CSMD1: variants seen among roughly 807,000 people sequenced by gnomAD.
CSMD1 encodes the protein CUB and sushi domain-containing protein 1.
A neutral mutation model predicts 417.5 loss-of-function variants in CSMD1; 213 were observed. That is an observed-to-expected ratio of 0.51 (90% CI 0.46 to 0.57). CSMD1 has a LOEUF of 0.57. Among genes scored for constraint, CSMD1 ranks in the 20% least tolerant of loss-of-function variants. The pLI, the probability that CSMD1 is intolerant of heterozygous loss-of-function variation, is 0.00. For synonymous variants in CSMD1, 2,862 were observed against 1,736.8 expected (o/e 1.65, Z -16.11); for missense variants, 6,923 against 4,529.7 (o/e 1.53, Z -15.17).
chr8:4,655,674 T>C (rs569095598), intron 1 of CSMD1, among the ~76,000 whole-genome samples: 2 of 152,020 alleles, frequency 1.3e-5, no homozygotes, highest in Non-Finnish European at 2.9e-5. Context: ...AAAGTCAATA[T>C]AATGGAAAAG....
chr8:4,901,675 ATCCAACTGGCAG>A (rs1321173254), intron 1 of CSMD1, among the ~76,000 whole-genome samples: 1 of 152,194 alleles, frequency 6.6e-6, no homozygotes, highest in Admixed American at 6.6e-5. Context: ...GCTTTAAAAA[ATCCAACTGGCAG>A]TATGCATACT....
At chr8:4,486,979 G>C (rs1377396662) in intron 2 of CSMD1, among the ~76,000 whole-genome samples, 1 of 152,134 alleles carries the variant, frequency 6.6e-6, no homozygotes, top group Admixed American at 6.6e-5. Context: ...CACAGCTGAC[G>C]GCTACACACG....
chr8:4,231,916 A>T (rs1244040765), intron 3 of CSMD1, among the ~76,000 whole-genome samples: 1 of 97,884 alleles, frequency 1.0e-5, no homozygotes, highest in East Asian at 3.2e-4. Flanking sequence ...TGAATCTCAT[A>T]CATAAAATAT....
intron 2 of CSMD1, among the ~76,000 whole-genome samples, chr8:4,451,647 A>T (rs916853337): frequency 4.6e-5 from 7 of 152,288 alleles, no homozygotes; most frequent in Middle Eastern, 3.4e-3. Context: ...TAATGTTAGG[A>T]TACATTCCTT....
chr8:4,992,279 C>A (rs1321690881), intron 1 of CSMD1, among the ~76,000 whole-genome samples: 2 of 152,138 alleles, frequency 1.3e-5, no homozygotes, highest in African/African-American at 4.8e-5. Context: ...CGCGTGGGGG[C>A]GGAATCCGCC....
intron 2 of CSMD1, among the ~76,000 whole-genome samples, chr8:4,603,248 T>C (rs559571819): frequency 1.6e-3 from 250 of 152,080 alleles, no homozygotes; most frequent in Non-Finnish European, 3.2e-3. Flanking sequence ...AACCATGACC[T>C]GCTGCAAATT....
intron 3 of CSMD1, among the ~76,000 whole-genome samples, chr8:4,313,811 C>T (rs76932176): frequency 2.0e-5 from 3 of 151,450 alleles, no homozygotes; most frequent in Non-Finnish European, 4.4e-5. Flanking sequence ...GTCAGGAGTT[C>T]GAGACTAGCC....
In CSMD1 at chr8:3,957,874, G is replaced by A. The variant is rs375341453; in HGVS notation, c.818+40029C>T. ...CATAAGAGGCACATTTGGAGCCGAT[G>A]TGGGGCTATCGCTGTATAATAATCT... On this transcript the variant is annotated intron_variant, in intron 5 of 69. Coordinates refer to ENST00000635120, the MANE Select transcript of CSMD1 (RefSeq NM_033225.6). Among the ~76,000 whole-genome samples the A allele has an allele frequency of 6.6e-5, 10 of 152,372 alleles. No individual in the cohort carries two copies. The East Asian group carries it at 1.5e-3, about 23-fold the overall frequency.
intron 12 of CSMD1, among the ~76,000 whole-genome samples, chr8:3,427,140 T>C (rs1813896096): frequency 6.6e-6 from 1 of 152,212 alleles, no homozygotes; most frequent in African/African-American, 2.4e-5. Context: ...AAGAAGATTA[T>C]GGGGATCATA....
intron 2 of CSMD1, among the ~76,000 whole-genome samples, chr8:4,559,316 AGAT>A (rs1400848361): frequency 6.6e-6 from 1 of 152,210 alleles, no homozygotes; most frequent in Non-Finnish European, 1.5e-5. Flanking sequence ...ATGGAATTAC[AGAT>A]GATTTAATTT....
At chr8:3,594,638 C>A (rs1801008681) in intron 8 of CSMD1, among the ~76,000 whole-genome samples, 1 of 152,102 alleles carries the variant, frequency 6.6e-6, no homozygotes, top group South Asian at 2.1e-4. Flanking sequence ...AGGTTTATAC[C>A]CTCTGCCTCC....
chr8:4,605,456 G>C (rs1800816130), intron 2 of CSMD1, among the ~76,000 whole-genome samples: 1 of 152,128 alleles, frequency 6.6e-6, no homozygotes, highest in Non-Finnish European at 1.5e-5. Flanking sequence ...GAATTATCCT[G>C]ATTATGATGA....
At chr8:3,308,800 T>A (rs1403265018) in intron 23 of CSMD1, among the ~76,000 whole-genome samples, 1 of 142,602 alleles carries the variant, frequency 7.0e-6, no homozygotes, top group Non-Finnish European at 1.5e-5. Flanking sequence ...CTTGCCTCAC[T>A]GCAACCTCCA....
intron 1 of CSMD1, among the ~76,000 whole-genome samples, chr8:4,663,842 A>G (rs949608981): frequency 7.9e-5 from 12 of 152,186 alleles, no homozygotes; most frequent in African/African-American, 2.9e-4. Flanking sequence ...ATCGTCAGAC[A>G]CTTCAGATTC....
intron 7 of CSMD1, among the ~76,000 whole-genome samples, chr8:3,656,449 A>C (rs1798112881): frequency 6.6e-6 from 1 of 152,122 alleles, no homozygotes. Flanking sequence ...TGAGAGTGAA[A>C]AGATGGTGTT....
chr8:4,865,951 T>A (rs1032663564), intron 1 of CSMD1, among the ~76,000 whole-genome samples: 5 of 151,840 alleles, frequency 3.3e-5, no homozygotes, highest in African/African-American at 1.2e-4. Context: ...TGAAAATTTT[T>A]TAAAAATATA....
At chr8:4,739,743 T>A (rs909570130) in intron 1 of CSMD1, among the ~76,000 whole-genome samples, 3 of 152,174 alleles carry the variant, frequency 2.0e-5, no homozygotes, top group Admixed American at 6.5e-5. Context: ...CTTTGCTCCC[T>A]ATCCCTTCCC....
Position 3,307,633 on chromosome 8 carries a change from G to C in CSMD1, c.3950+62C>G, listed in dbSNP as rs553867536. 9 of 1,531,584 alleles carry C rather than the reference G, an allele frequency of 5.9e-6. No homozygotes were observed. The South Asian group carries it at 1.1e-4, about 18-fold the overall frequency. 94.9% of individuals were successfully genotyped at this position (1,531,584 alleles called of 1,614,324 possible). On this transcript the variant is annotated intron_variant, in intron 25 of 69. Transcript: ENST00000635120. The stretch of plus-strand genomic sequence containing the variant: ...GGATATTTGGTGTACCACTATCTCT[G>C]CTACAAGAATAGAAGGCATATCTCT...
At chr8:3,302,148 A>C (rs749688279) in intron 25 of CSMD1, among the ~76,000 whole-genome samples, 3 of 152,182 alleles carry the variant, frequency 2.0e-5, no homozygotes, top group Non-Finnish European at 4.4e-5. Context: ...GATGACAATA[A>C]TGATGAAATA....
Sources: gnomAD v4.1 joint callset for allele counts (sites outside exome capture counted in the v4.1 genomes callset) on GRCh38, gnomAD v4.1.1 for gene constraint, MANE v1.5 for transcripts, NCBI Gene and HGNC (gene_info 2026-07-23, HGNC 2026-07-21) for gene names.